Variants in INSL6 observed in about 807,000 individuals in gnomAD.
INSL6 encodes the protein insulin like 6.
In INSL6, 16 loss-of-function variants were observed where a neutral mutation model predicts 9.4. The observed-to-expected ratio is 1.70, with a 90% confidence interval of 1.15 to 2.59. The LOEUF (loss-of-function observed/expected upper bound fraction) is 2.59. Among genes scored for constraint, INSL6 ranks in the 30% most tolerant of loss-of-function variants. The pLI, the probability that INSL6 is intolerant of heterozygous loss-of-function variation, is 0.00. For missense variants in INSL6, 391 were observed against 257.3 expected, an observed-to-expected ratio of 1.52 and a Z score of -3.56; for synonymous variants, 154 against 96.9, an observed-to-expected ratio of 1.59 and a Z score of -3.46.
At chr9:5,147,834 C>T (rs114836381) in intron 2 of INSL6, among the ~76,000 whole-genome samples, 88 of 152,270 alleles carry the variant, frequency 5.8e-4, no homozygotes, top group African/African-American at 1.9e-3. Context: ...TGTGTTCTTC[C>T]ATTAATACTT....
At chr9:5,093,400 A>T in the INSL6 span, among the ~76,000 whole-genome samples, 1 of 152,176 alleles carries the variant, frequency 6.6e-6, no homozygotes, top group Non-Finnish European at 1.5e-5. Flanking sequence ...CTTGTTCCCT[A>T]AATAGGGACT....
chr9:5,092,904 C>CTT, the INSL6 span, among the ~76,000 whole-genome samples: 3 of 152,156 alleles, frequency 2.0e-5, no homozygotes, highest in African/African-American at 7.2e-5. Context: ...AGGGACAGCT[C>CTT]TTTAGACCCT....
the INSL6 span, chr9:5,044,278 ACT>A: frequency 6.2e-6 from 4 of 648,972 alleles, no homozygotes; most frequent in African/African-American, 1.9e-5. Flanking sequence ...TATATTTAAT[ACT>A]GTTAGCTGTG....
At chr9:5,014,571 G>A in the INSL6 span, among the ~76,000 whole-genome samples, 1 of 152,152 alleles carries the variant, frequency 6.6e-6, no homozygotes, top group Non-Finnish European at 1.5e-5. Context: ...TTGGAGCAGG[G>A]ACTGATGGAG....
the INSL6 span, among the ~76,000 whole-genome samples, chr9:5,002,065 T>C: frequency 6.6e-6 from 1 of 151,942 alleles, no homozygotes; most frequent in Non-Finnish European, 1.5e-5. Context: ...TATGTGTTCT[T>C]TTCTGTTTGT....
At chr9:5,075,028 A>G in the INSL6 span, among the ~76,000 whole-genome samples, 1 of 151,976 alleles carries the variant, frequency 6.6e-6, no homozygotes, top group Non-Finnish European at 1.5e-5. Context: ...AGAAGATCAA[A>G]CCAGTCACAA....
At chr9:5,041,605 A>G in the INSL6 span, 1 of 496,932 alleles carries the variant, frequency 2.0e-6, no homozygotes, top group East Asian at 5.5e-5. Flanking sequence ...GAGAAGCCCG[A>G]CTGTGACTAC....
the INSL6 span, among the ~76,000 whole-genome samples, chr9:5,004,464 TTTTC>T: frequency 1.3e-5 from 2 of 152,188 alleles, no homozygotes; most frequent in Non-Finnish European, 2.9e-5. Context: ...AATGACAAGA[TTTTC>T]TTCTTTTTTT....
chr9:4,999,595 G>C, the INSL6 span, among the ~76,000 whole-genome samples: 2 of 152,192 alleles, frequency 1.3e-5, no homozygotes, highest in Admixed American at 1.3e-4. Context: ...ACAATAGGCT[G>C]TCTGCAAGCT....
At chr9:5,161,758 T>C (rs375550331), downstream of INSL6, among the ~76,000 whole-genome samples, 62 of 152,162 alleles carry the variant, frequency 4.1e-4, 1 homozygote, top group South Asian at 0.012. Flanking sequence ...ACAAAATCAA[T>C]AGACAAAATT....
intron 3 of INSL6, among the ~76,000 whole-genome samples, chr9:5,130,461 A>G (rs1013357975): frequency 6.6e-6 from 1 of 152,204 alleles, no homozygotes; most frequent in African/African-American, 2.4e-5. Context: ...GGCAGCTAAG[A>G]AGGCAAATTA....
At chr9:5,017,637 T>C in the INSL6 span, among the ~76,000 whole-genome samples, 1 of 152,242 alleles carries the variant, frequency 6.6e-6, no homozygotes, top group Non-Finnish European at 1.5e-5. Context: ...TTCCCTCTTA[T>C]AACTGCTTTT....
intron 1 of INSL6, among the ~76,000 whole-genome samples, chr9:5,181,718 T>C (rs1409852447): frequency 6.6e-6 from 1 of 152,150 alleles, no homozygotes; most frequent in South Asian, 2.1e-4. Flanking sequence ...TGTTACTGTA[T>C]CTAGATTTGA....
intron 1 of INSL6, among the ~76,000 whole-genome samples, chr9:5,181,311 A>C (rs1006941976): frequency 1.3e-5 from 2 of 152,210 alleles, no homozygotes; most frequent in Admixed American, 1.3e-4. Context: ...CAGTATCAAA[A>C]ATAGTAACGA....
the INSL6 span, among the ~76,000 whole-genome samples, chr9:5,011,004 G>T: frequency 6.6e-6 from 1 of 152,050 alleles, no homozygotes; most frequent in Non-Finnish European, 1.5e-5. Flanking sequence ...TCTATTTCTT[G>T]TCTTGGTTCT....
At chr9:5,013,535 C>T in the INSL6 span, among the ~76,000 whole-genome samples, 1 of 152,210 alleles carries the variant, frequency 6.6e-6, no homozygotes, top group Non-Finnish European at 1.5e-5. Context: ...CCTATCTGAA[C>T]CTTCCAATCC....
At chr9:5,034,016 C>T in the INSL6 span, among the ~76,000 whole-genome samples, 10 of 152,102 alleles carry the variant, frequency 6.6e-5, no homozygotes, top group Admixed American at 5.2e-4. Flanking sequence ...CAGAGACACA[C>T]ATAGGCTCAA....
the INSL6 span, among the ~76,000 whole-genome samples, chr9:5,072,106 A>G: frequency 6.6e-6 from 1 of 152,208 alleles, no homozygotes; most frequent in Non-Finnish European, 1.5e-5. Flanking sequence ...AAGTGGTAAT[A>G]AGAGAAAGTC....
intron 1 of INSL6, among the ~76,000 whole-genome samples, chr9:5,167,683 G>T (rs1198852830): frequency 1.3e-5 from 2 of 152,184 alleles, no homozygotes; most frequent in Non-Finnish European, 2.9e-5. Flanking sequence ...AGTCTTTCCT[G>T]CCTACTGGCT....
Sources: gnomAD v4.1 joint callset for allele counts (sites outside exome capture counted in the v4.1 genomes callset) on GRCh38, gnomAD v4.1.1 for gene constraint, MANE v1.5 for transcripts, NCBI Gene and HGNC (gene_info 2026-07-23, HGNC 2026-07-21) for gene names.